The following ZBTB20 variants were observed in gnomAD, a reference collection of about 807,000 sequenced individuals.
The protein encoded by ZBTB20 is zinc finger and BTB domain containing 20, also known as zinc finger and BTB domain-containing protein 20.
Under a neutral mutation model 56.9 loss-of-function variants are expected in ZBTB20, and 9 were observed. The ratio of observed to expected loss-of-function variants is 0.16; its 90% CI spans 0.10 to 0.28. ZBTB20 has a LOEUF of 0.28. Among genes scored for constraint, ZBTB20 ranks in the 10% least tolerant of loss-of-function variants. The pLI is 1.00. For missense variants in ZBTB20, 655 were observed against 1,003.0 expected, an observed-to-expected ratio of 0.65 and a Z score of 4.69; for synonymous variants, 417 against 420.7, an observed-to-expected ratio of 0.99 and a Z score of 0.11.
At chr3:114,641,454 T>C (rs969021586) in intron 6 of ZBTB20, among the ~76,000 whole-genome samples, 14 of 151,738 alleles carry the variant, frequency 9.2e-5, no homozygotes, top group African/African-American at 3.4e-4. Context: ...TAATTTTTCT[T>C]ATATAGATAT....
At position 114,339,125 on chromosome 3, in the gene ZBTB20, G is replaced by T. The variant is rs571923112; in HGVS notation, c.2106C>A (p.Gly702=). 1 of 1,611,232 alleles carries T rather than the reference G, an allele frequency of 6.2e-7. No homozygotes were observed. The highest frequency in any genetic ancestry group is 1.1e-5 in the South Asian group (1 of 90,806). ...PAGTPPGARA[G]PPGVVACTEG... ...CCGTGCAGGCCACCACGCCTGGGGG[G>T]CCAGCGCGGGCACCTGGGGGTGTGC... The change falls in exon 12 of 12, where the codon GGC becomes GGA. Residue 702 remains glycine, a synonymous_variant. Coordinates refer to ENST00000675478, the MANE Select transcript of ZBTB20 (RefSeq NM_001348800.3). This position sits in a 1 kb window ranked among gnomAD's most constrained non-coding sequence, Gnocchi z 4.2.
rs779425353 is a variant in ZBTB20 at position 114,351,588 on chromosome 3, G to C, written c.490C>G (p.Arg164Gly). ...LIDFMYSGVL[R>G]VSQSEALQIL... ...TGCAGAGCTTCCGACTGCGAGACCCGTAGCACGCCGCTGTACATGAAGTCA... is the reference window on the plus strand; with the variant it reads ...TGCAGAGCTTCCGACTGCGAGACCCCTAGCACGCCGCTGTACATGAAGTCA... Residue 164 changes from arginine (R) to glycine (G), a missense_variant, in exon 11 of 12, where the codon CGG becomes GGG. Around this residue, in one of 10 missense-constraint regions of ZBTB20, gnomAD observed 167 missense variants for 281.9 expected, o/e 0.59. Coordinates refer to ENST00000675478, the MANE Select transcript of ZBTB20 (RefSeq NM_001348800.3). The C allele has an allele frequency of 6.2e-7, 1 of 1,614,068 alleles. No homozygotes were observed. The highest frequency in any genetic ancestry group is 1.7e-5 in the Admixed American group (1 of 60,024).
chr3:114,921,314 G>T (rs548668641), intron 3 of ZBTB20, among the ~76,000 whole-genome samples: 70 of 152,104 alleles, frequency 4.6e-4, no homozygotes, highest in African/African-American at 1.6e-3. Flanking sequence ...GTAGAGATGG[G>T]GTTTCACTGT....
At chr3:114,750,789 A>G (rs909090464) in intron 5 of ZBTB20, among the ~76,000 whole-genome samples, 1 of 152,328 alleles carries the variant, frequency 6.6e-6, no homozygotes, top group East Asian at 1.9e-4. Flanking sequence ...TTTGAGCTTT[A>G]AAATGCTTCC....
intron 6 of ZBTB20, among the ~76,000 whole-genome samples, chr3:114,655,506 C>G (rs2060360608): frequency 6.6e-6 from 1 of 152,034 alleles, no homozygotes; most frequent in Non-Finnish European, 1.5e-5. Flanking sequence ...CCCGCCTCGG[C>G]CTCCCAAAGT....
At chr3:115,146,750 G>C (rs532647613) in intron 1 of ZBTB20, among the ~76,000 whole-genome samples, 1 of 152,300 alleles carries the variant, frequency 6.6e-6, no homozygotes, top group South Asian at 2.1e-4. Context: ...GGGGGCAGAA[G>C]ACAAGCGGGC....
At chr3:114,556,687 A>G (rs1443905226) in intron 6 of ZBTB20, among the ~76,000 whole-genome samples, 2 of 152,062 alleles carry the variant, frequency 1.3e-5, no homozygotes, top group African/African-American at 2.4e-5. Flanking sequence ...CTCGCAGATG[A>G]GTTATGCCAA....
intron 5 of ZBTB20, among the ~76,000 whole-genome samples, chr3:114,741,314 G>A (rs1441683782): frequency 1.3e-5 from 2 of 152,154 alleles, no homozygotes; most frequent in East Asian, 3.9e-4. Flanking sequence ...ACTAATGTGT[G>A]CTGTGAGATG....
intron 3 of ZBTB20, among the ~76,000 whole-genome samples, chr3:114,920,012 C>T (rs1175087739): frequency 6.6e-6 from 1 of 152,038 alleles, no homozygotes; most frequent in Non-Finnish European, 1.5e-5. Flanking sequence ...CAGTCAAAAT[C>T]TATCAGAAGA....
At chr3:115,073,507 C>T (rs1408143292) in intron 1 of ZBTB20, among the ~76,000 whole-genome samples, 1 of 152,022 alleles carries the variant, frequency 6.6e-6, no homozygotes. Context: ...AATGAAAACT[C>T]ATACTACAAA....
chr3:114,844,274 C>A (rs985276437), intron 4 of ZBTB20, among the ~76,000 whole-genome samples: 2 of 141,666 alleles, frequency 1.4e-5, no homozygotes, highest in African/African-American at 2.8e-5. Flanking sequence ...GAAATGTAAG[C>A]TACTGTGTAG....
At chr3:114,819,065 G>A (rs894844446) in intron 4 of ZBTB20, among the ~76,000 whole-genome samples, 2 of 151,884 alleles carry the variant, frequency 1.3e-5, no homozygotes, top group African/African-American at 2.4e-5. Context: ...CATAAGTTGA[G>A]GATCATGTGG....
chr3:114,958,447 A>G (rs2077324019), intron 3 of ZBTB20, among the ~76,000 whole-genome samples: 3 of 152,306 alleles, frequency 2.0e-5, no homozygotes, highest in Admixed American at 2.0e-4. Context: ...CTGGAGCACA[A>G]AATTAACACT....
At chr3:114,532,630 G>C (rs746309829) in intron 6 of ZBTB20, among the ~76,000 whole-genome samples, 4 of 152,300 alleles carry the variant, frequency 2.6e-5, no homozygotes, top group African/African-American at 4.8e-5. Flanking sequence ...CACAGAGCTC[G>C]AGCTCTCCTA....
intron 10 of ZBTB20, among the ~76,000 whole-genome samples, chr3:114,368,857 G>A (rs2082696577): frequency 6.6e-6 from 1 of 152,184 alleles, no homozygotes; most frequent in Non-Finnish European, 1.5e-5. Context: ...ACCCATCTGG[G>A]ACCTTTAGGT....
At chr3:115,012,611 A>G (rs2079771040) in intron 2 of ZBTB20, among the ~76,000 whole-genome samples, 1 of 151,818 alleles carries the variant, frequency 6.6e-6, no homozygotes, top group East Asian at 1.9e-4. Context: ...CCCCAATACT[A>G]TAATAGTTGG....
In ZBTB20 at chr3:114,675,065, A is replaced by G. The variant is rs553856429; in HGVS notation, c.-295+18463T>C. ...ATCTATCTTTCATATATATATATGA[A>G]TATATATTATATATATTATATATAT... is the stretch of plus-strand genomic sequence containing the variant. On this transcript the variant is annotated intron_variant, in intron 6 of 11. Transcript: ENST00000675478. Among the ~76,000 whole-genome samples, 176 of 147,972 alleles carry G rather than the reference A, an allele frequency of 1.2e-3. 1 individual carries two copies. Among genetic ancestry groups the G allele is most frequent in the African/African-American group, 4.1e-3 (168 of 40,856 alleles).
intron 4 of ZBTB20, among the ~76,000 whole-genome samples, chr3:114,862,445 T>C (rs549442370): frequency 6.6e-6 from 1 of 152,114 alleles, no homozygotes; most frequent in Non-Finnish European, 1.5e-5. Context: ...TCAAATTTTG[T>C]TTTGGGATAT....
chr3:115,015,871 T>C (rs966181976), intron 2 of ZBTB20, among the ~76,000 whole-genome samples: 5 of 151,932 alleles, frequency 3.3e-5, no homozygotes, highest in East Asian at 1.9e-4. Flanking sequence ...TATTTCTGCC[T>C]CTAGATCTCT....
Sources: gnomAD v4.1 joint callset for allele counts (sites outside exome capture counted in the v4.1 genomes callset) on GRCh38, gnomAD v4.1.1 for gene constraint, gnomAD v4.1.1 regional missense constraint, Gnocchi (gnomAD v3.1) non-coding constraint, MANE v1.5 for transcripts, NCBI Gene and HGNC (gene_info 2026-07-23, HGNC 2026-07-21) for gene names.